RNF212B: variants seen among roughly 807,000 people sequenced by gnomAD.
RNF212B encodes the protein E3 ubiquitin-protein ligase RNF212B.
Under a neutral mutation model 55.5 loss-of-function variants are expected in RNF212B, and 52 were observed. The observed-to-expected ratio is 0.94, with a 90% confidence interval of 0.75 to 1.18. The LOEUF is 1.18. RNF212B is among the 50% of genes most tolerant of loss of function. The pLI is 0.00. For synonymous variants in RNF212B, 99 were observed against 121.4 expected (o/e 0.82, Z 1.21); for missense variants, 289 against 350.4 (o/e 0.82, Z 1.40).
chr14:23,194,734 CAAA>C (rs34019946), intron 2 of RNF212B, among the ~76,000 whole-genome samples: 2,903 of 75,014 alleles, frequency 0.039, 53 homozygotes, highest in African/African-American at 0.13. Context: ...GACTCTGTCT[CAAA>C]AAAAAAAAAA....
In RNF212B at chr14:23,220,774, G is replaced by A. The variant is rs187799767; in HGVS notation, c.-1-19571G>A. On this transcript the variant is annotated intron_variant, in intron 2 of 15. Transcript: ENST00000399910. Reference sequence around the variant, plus strand: ...TGGGAGATGGAACTTGAAGTGAGCCGAGATTGCACCACTGCACTCCAGCCT... The same window carrying A: ...TGGGAGATGGAACTTGAAGTGAGCCAAGATTGCACCACTGCACTCCAGCCT... 3.5e-3 allele frequency among the ~76,000 whole-genome samples: 529 copies of A among 151,864 alleles called. 5 individuals are homozygous for A. Among genetic ancestry groups the A allele is most frequent in the African/African-American group, 0.012 (497 of 41,368 alleles).
At chr14:23,232,767 C>G (rs1361255750) in intron 2 of RNF212B, among the ~76,000 whole-genome samples, 2 of 145,586 alleles carry the variant, frequency 1.4e-5, no homozygotes, top group African/African-American at 5.2e-5. Flanking sequence ...GGCCAGCCGC[C>G]CCGTCTGGGA....
At chr14:23,264,779 C>T in intron 11 of RNF212B, 108 bp downstream of exon 11, 2 of 565,176 alleles carry the variant, frequency 3.5e-6, no homozygotes, top group Non-Finnish European at 5.4e-6. Flanking sequence ...GTTTTTTTTT[C>T]CTGACAGTGA....
At chr14:23,188,075 T>C (rs1466154467) in intron 1 of RNF212B, 1 of 152,258 alleles carries the variant, frequency 6.6e-6, no homozygotes, top group Non-Finnish European at 1.5e-5. Context: ...AAGGAAGTTG[T>C]GTCTTCTAGG....
At chr14:23,195,278 A>AT (rs773109236) in intron 2 of RNF212B, among the ~76,000 whole-genome samples, 1 of 152,010 alleles carries the variant, frequency 6.6e-6, no homozygotes, top group South Asian at 2.1e-4. Context: ...AAAAAAAAAA[A>AT]CCCATGAGAT....
chr14:23,216,017 G>T (rs534194096), intron 2 of RNF212B, among the ~76,000 whole-genome samples: 19 of 152,026 alleles, frequency 1.2e-4, no homozygotes, highest in African/African-American at 4.6e-4. Context: ...AGGCCAAGGC[G>T]GGCGGATCAC....
chr14:23,198,681 A>C (rs1878979842), intron 2 of RNF212B, among the ~76,000 whole-genome samples: 1 of 152,162 alleles, frequency 6.6e-6, no homozygotes, highest in African/African-American at 2.4e-5. Context: ...CAAAAAAAAA[A>C]AAAGGTCCAC....
At chr14:23,204,863 T>C (rs1017423102) in intron 2 of RNF212B, among the ~76,000 whole-genome samples, 6 of 152,192 alleles carry the variant, frequency 3.9e-5, no homozygotes, top group African/African-American at 1.4e-4. Context: ...ATGGGGTATA[T>C]TTTCATTTGT....
rs1404990389 is a variant in RNF212B, at chr14:23,232,695, G to A, written c.-1-7650G>A. Among the ~76,000 whole-genome samples the A allele has an allele frequency of 4.0e-5, 6 of 150,656 alleles. No homozygotes were observed. The South Asian group carries it at 1.1e-3, about 27-fold the overall frequency. Reference sequence around the variant, plus strand: ...GCCCCGTCTGGGAGGGAGGTGGGGGGTCAGCCCCCGCCCGGCCAGCCGCCC... The same window carrying A: ...GCCCCGTCTGGGAGGGAGGTGGGGGATCAGCCCCCGCCCGGCCAGCCGCCC... On this transcript the variant is annotated intron_variant, in intron 2 of 15. Coordinates refer to the RNF212B transcript ENST00000399910.
intron 2 of RNF212B, among the ~76,000 whole-genome samples, chr14:23,226,006 A>C (rs1476584516): frequency 6.6e-6 from 1 of 152,192 alleles, no homozygotes; most frequent in Non-Finnish European, 1.5e-5. Context: ...TTTTTAAAAA[A>C]TTAAAAAACT....
At position 23,258,379 on chromosome 14, in the gene RNF212B, G is replaced by A. The variant is rs1885016916; in HGVS notation, c.229-170G>A. On this transcript the variant is annotated intron_variant, in intron 4 of 14. Transcript: ENST00000430154. ...AAAGACAGTAGAAGGCTAGTGTCCTGGAAATGAGTGCTGAGCTCTCTAGTT... is the reference window on the plus strand; with the variant it reads ...AAAGACAGTAGAAGGCTAGTGTCCTAGAAATGAGTGCTGAGCTCTCTAGTT... 6 of 368,652 alleles carry A rather than the reference G, an allele frequency of 1.6e-5. No homozygotes were observed. In the Admixed American group the frequency reaches 2.8e-4, roughly 17 times the overall value. 22.8% of individuals were successfully genotyped at this position (368,652 alleles called of 1,614,324 possible). A position where few individuals can be genotyped will look rare whatever the true frequency, so the allele number is the denominator to read the frequency against.
At chr14:23,222,928 C>G (rs1223359926) in intron 2 of RNF212B, among the ~76,000 whole-genome samples, 1 of 151,974 alleles carries the variant, frequency 6.6e-6, no homozygotes, top group Non-Finnish European at 1.5e-5. Context: ...GTGGCACGCA[C>G]CTGTAATCCT....
At chr14:23,239,724 T>C (rs1318959232) in intron 1 of RNF212B, among the ~76,000 whole-genome samples, 5 of 152,132 alleles carry the variant, frequency 3.3e-5, no homozygotes, top group African/African-American at 4.8e-5. Flanking sequence ...GTTCAAGTGA[T>C]TCTCCTGCCT....
At chr14:23,193,749 A>ACC (rs1878351381) in intron 2 of RNF212B, among the ~76,000 whole-genome samples, 1 of 51,234 alleles carries the variant, frequency 2.0e-5, no homozygotes, top group East Asian at 6.9e-4. Context: ...TAGAAGATTT[A>ACC]ACAAAAAAAA....
rs141730603 is a variant in RNF212B at position 23,261,680 on chromosome 14, G to A, written c.435-985G>A. On this transcript the variant is annotated intron_variant, in intron 7 of 14. Coordinates refer to ENST00000430154, the MANE Select transcript of RNF212B (RefSeq NM_001282322.3). Reference sequence around the variant, plus strand: ...AACTCTTAAATATATTTTTAGTATCGGCTGGGTGTGGTGGCTCACACCCGT... The same window carrying A: ...AACTCTTAAATATATTTTTAGTATCAGCTGGGTGTGGTGGCTCACACCCGT... Among the ~76,000 whole-genome samples, 41 of 152,152 alleles carry A rather than the reference G, an allele frequency of 2.7e-4. No individual in the cohort carries two copies. The East Asian group carries it at 7.3e-3, about 27-fold the overall frequency.
rs1315816820 is a variant in RNF212B at position 23,273,457 on chromosome 14, G to A, written c.*566G>A. On this transcript the variant is annotated 3_prime_UTR_variant, in exon 15 of 15. Transcript: ENST00000430154. ...AGTATATAGATAGTAAAATAAAGAC[G>A]ATGCCCTTTTATTGCTACAATTCTA... 6.6e-6 allele frequency: 1 copy of A among 152,136 alleles called. No individual in the cohort carries two copies. The highest frequency in any genetic ancestry group is 2.4e-5 in the African/African-American group (1 of 41,408). The allele number at this position is 152,136 out of a possible 1,614,324, so 9.4% of individuals were successfully genotyped here.
At chr14:23,260,818 TTAGTTAC>T in intron 7 of RNF212B, 131 bp downstream of exon 7, 1 of 825,166 alleles carries the variant, frequency 1.2e-6, no homozygotes, top group Non-Finnish European at 2.0e-6. Flanking sequence ...CGAGGAAGAG[TTAGTTAC>T]TGAAAGTGCC....
chr14:23,270,412 C>G (rs1566444233), intron 13 of RNF212B, among the ~76,000 whole-genome samples, 188 bp from the exon 14 acceptor site: 1 of 152,204 alleles, frequency 6.6e-6, no homozygotes, highest in African/African-American at 2.4e-5. Flanking sequence ...AAATCTCAGA[C>G]CTCTCTGCCA....
chr14:23,260,995 C>T (rs1885255031), intron 7 of RNF212B, among the ~76,000 whole-genome samples: 1 of 152,154 alleles, frequency 6.6e-6, no homozygotes, highest in Admixed American at 6.5e-5. Context: ...AGGGTACACT[C>T]GCCGGCAGTT....
Sources: gnomAD v4.1 joint callset for allele counts (sites outside exome capture counted in the v4.1 genomes callset) on GRCh38, gnomAD v4.1.1 for gene constraint, MANE v1.5 for transcripts, NCBI Gene and HGNC (gene_info 2026-07-23, HGNC 2026-07-21) for gene names.